The following DNAH11 variants were observed in gnomAD, a reference collection of about 807,000 sequenced individuals.
The protein encoded by DNAH11 is axonemal beta dynein heavy chain 11.
Under a neutral mutation model 526.0 loss-of-function variants are expected in DNAH11, and 442 were observed. The ratio of observed to expected loss-of-function variants is 0.84; its 90% CI spans 0.78 to 0.91. The LOEUF is 0.91. Among genes scored for constraint, DNAH11 ranks in the 40% least tolerant of loss-of-function variants. The probability of loss-of-function intolerance (pLI) is 0.00; values close to 1 mark genes in which losing one functional copy is unlikely to be tolerated. For missense variants in DNAH11, 6,989 were observed against 5,448.7 expected, an observed-to-expected ratio of 1.28 and a Z score of -8.90; for synonymous variants, 2,461 against 1,935.9, an observed-to-expected ratio of 1.27 and a Z score of -7.12.
intron 65 of DNAH11, 127 bp downstream of exon 65, chr7:21,818,466 C>G (rs1455984371): frequency 3.0e-6 from 3 of 1,002,838 alleles, no homozygotes; most frequent in Non-Finnish European, 4.3e-6. Context: ...ATTTCATGCA[C>G]CTACACTCCA....
In DNAH11 at chr7:21,571,925, T is replaced by C. The variant is rs182332147; in HGVS notation, c.1545T>C (p.Cys515=). The change falls in exon 8 of 82, where the codon TGT becomes TGC. Residue 515 remains cysteine, a synonymous_variant. Coordinates refer to ENST00000409508, the MANE Select transcript of DNAH11 (RefSeq NM_001277115.2). ...TGAGTGAAGAACTTATGGAACTCTG[T>C]AAACTTTTTAAACAGAGCACTTATG... The part of the protein sequence containing the change: ...HEMSEELMEL[C]KLFKQSTYDP... The C allele has an allele frequency of 3.1e-5, 50 of 1,609,254 alleles. No individual in the cohort carries two copies. In the East Asian group the frequency reaches 1.1e-3, roughly 35 times the overall value.
chr7:21,610,233 G>T (rs914401607), intron 20 of DNAH11, among the ~76,000 whole-genome samples: 1 of 152,130 alleles, frequency 6.6e-6, no homozygotes, highest in African/African-American at 2.4e-5. Context: ...CAGCCTGGGC[G>T]ACAGTGCGAG....
intron 7 of DNAH11, among the ~76,000 whole-genome samples, 161 bp from the exon 8 acceptor site, chr7:21,571,645 T>C (rs1258982725): frequency 6.6e-6 from 1 of 152,212 alleles, no homozygotes; most frequent in Non-Finnish European, 1.5e-5. Context: ...AATGACTTTG[T>C]TTAATTAAAT....
rs373911826 is a variant in DNAH11, at chr7:21,750,389, A to C, written c.8940+25A>C. On this transcript the variant is annotated intron_variant, in intron 54 of 81. Transcript: ENST00000409508. ...AGTAAGAAATACTTGCTTAATTTGC[A>C]TGTTAGTTAAAACCTGCTATTGCAA... 5.1e-5 allele frequency: 80 copies of C among 1,580,048 alleles called. No homozygotes were observed. In the African/African-American group the frequency reaches 1.1e-3, roughly 21 times the overall value.
intron 48 of DNAH11, among the ~76,000 whole-genome samples, chr7:21,740,492 G>C (rs1320730553): frequency 6.6e-6 from 1 of 152,088 alleles, no homozygotes; most frequent in Non-Finnish European, 1.5e-5. Context: ...TCTTTTTGTG[G>C]CTGGCTTATT....
At chr7:21,701,665 C>G (rs567063595) in intron 36 of DNAH11, among the ~76,000 whole-genome samples, 7 of 152,072 alleles carry the variant, frequency 4.6e-5, no homozygotes, top group Non-Finnish European at 1.0e-4. Flanking sequence ...AAATGATGGT[C>G]GAGACCTACT....
At chr7:21,789,784 TC>T (rs1388678641) in intron 61 of DNAH11, among the ~76,000 whole-genome samples, 1 of 93,384 alleles carries the variant, frequency 1.1e-5, no homozygotes, top group East Asian at 2.8e-4. Flanking sequence ...TTTCTTTCTT[TC>T]TTTCTTTCTT....
At chr7:21,843,768 C>G (rs1285121392) in intron 66 of DNAH11, among the ~76,000 whole-genome samples, 1 of 152,120 alleles carries the variant, frequency 6.6e-6, no homozygotes, top group Non-Finnish European at 1.5e-5. Flanking sequence ...CATGAGCCAC[C>G]ACGCCCGGCC....
chr7:21,863,063 CAA>C (rs373065417), intron 69 of DNAH11, among the ~76,000 whole-genome samples: 4,209 of 42,294 alleles, frequency 0.1, 147 homozygotes, highest in African/African-American at 0.22. Context: ...GACTCCGTCT[CAA>C]AAAAAAAAAA....
At chr7:21,839,389 A>C (rs142363314) in intron 65 of DNAH11, among the ~76,000 whole-genome samples, 1 of 152,090 alleles carries the variant, frequency 6.6e-6, no homozygotes, top group African/African-American at 2.4e-5. Context: ...CCTGGACAAC[A>C]TGGTGAAACC....
intron 69 of DNAH11, among the ~76,000 whole-genome samples, chr7:21,864,063 ATTC>A (rs535463611): frequency 1.8e-4 from 28 of 152,330 alleles, no homozygotes; most frequent in African/African-American, 6.7e-4. Context: ...AGGTTTTCTC[ATTC>A]TTCTCAATAT....
chr7:21,843,770 C>T (rs535927924), intron 66 of DNAH11, among the ~76,000 whole-genome samples: 8 of 152,246 alleles, frequency 5.3e-5, no homozygotes, highest in East Asian at 3.9e-4. Flanking sequence ...TGAGCCACCA[C>T]GCCCGGCCAT....
rs483352711 is a variant in DNAH11 at position 21,616,269 on chromosome 7, G to A, written c.4072G>A (p.Val1358Ile). Residue 1358 changes from valine (V) to isoleucine (I), a missense_variant, in exon 22 of 82, where the codon GTA becomes ATA. Physicochemically the swap from Val to Ile is conservative, Grantham distance 29. Transcript: ENST00000409508. Reference sequence around the variant, plus strand: ...ACAGATTCATGTGGAACAGATGGATGTAGAACTCAGAAGGTTTGCCAAGGC... The same window carrying A: ...ACAGATTCATGTGGAACAGATGGATATAGAACTCAGAAGGTTTGCCAAGGC... ...WRQIHVEQMD[V>I]ELRRFAKEIW... 1 of 1,613,012 alleles carries A rather than the reference G, an allele frequency of 6.2e-7. No individual in the cohort carries two copies. The highest frequency in any genetic ancestry group is 8.5e-7 in the Non-Finnish European group (1 of 1,179,378).
At chr7:21,783,498 C>T (rs1185390134) in intron 57 of DNAH11, among the ~76,000 whole-genome samples, 2 of 152,146 alleles carry the variant, frequency 1.3e-5, no homozygotes, top group East Asian at 1.9e-4. Context: ...ACCATCACCA[C>T]GGGAACCGTC....
In DNAH11 at chr7:21,754,459, C is replaced by G. The variant is rs988535098; in HGVS notation, c.8940+4095C>G. ...AGGCAGACCTTACTGAAACTGAGAT[C>G]AGTTTTATATTCATCTCTATTGTTG... On this transcript the variant is annotated intron_variant, in intron 54 of 81. Transcript: ENST00000409508. 1.3e-4 allele frequency among the ~76,000 whole-genome samples: 20 copies of G among 151,984 alleles called. 1 individual carries two copies. The highest frequency in any genetic ancestry group is 2.9e-5 in the Non-Finnish European group (2 of 68,008).
intron 65 of DNAH11, among the ~76,000 whole-genome samples, chr7:21,820,367 T>C (rs1340934563): frequency 6.6e-6 from 1 of 152,194 alleles, no homozygotes; most frequent in Non-Finnish European, 1.5e-5. Flanking sequence ...GGCAAGGAGT[T>C]GTCAGTTCCA....
intron 14 of DNAH11, among the ~76,000 whole-genome samples, chr7:21,597,075 G>A (rs1217764577): frequency 6.6e-6 from 1 of 152,114 alleles, no homozygotes; most frequent in African/African-American, 2.4e-5. Flanking sequence ...GTCAGCGAGT[G>A]GTCTGGAGTC....
Position 21,726,972 on chromosome 7 carries a change from C to T in DNAH11, c.7440+988C>T, listed in dbSNP as rs1332392307. ...TTTTTGAGATGGAGTCTCGCTCTGT[C>T]GCCCAGGCTGGAGTGCAGTGGCGCG... is the stretch of plus-strand genomic sequence containing the variant. On this transcript the variant is annotated intron_variant, in intron 45 of 81. Transcript: ENST00000409508. Among the ~76,000 whole-genome samples, 107 of 74,070 alleles carry T rather than the reference C, an allele frequency of 1.4e-3. 1 individual carries two copies. The highest frequency in any genetic ancestry group is 5.9e-3 in the African/African-American group (100 of 16,886). 48.6% of individuals were successfully genotyped at this position (74,070 alleles called of 152,430 possible).
rs866144588 is a variant in DNAH11 at position 21,622,884 on chromosome 7, T to A, written c.4500+2806T>A. 2.9e-3 allele frequency among the ~76,000 whole-genome samples: 444 copies of A among 152,136 alleles called. 9 individuals carry two copies. Among genetic ancestry groups the A allele is most frequent in the South Asian group, 0.023 (111 of 4,810 alleles). On this transcript the variant is annotated intron_variant, in intron 25 of 81. Coordinates refer to ENST00000409508, the MANE Select transcript of DNAH11 (RefSeq NM_001277115.2). The stretch of plus-strand genomic sequence containing the variant: ...AAAACCCTAGAAGAAAACCTAGGCA[T>A]TACCATTCAGGACATAGGCATGGGC...
Sources: gnomAD v4.1 joint callset for allele counts (sites outside exome capture counted in the v4.1 genomes callset) on GRCh38, gnomAD v4.1.1 for gene constraint, MANE v1.5 for transcripts, NCBI Gene and HGNC (gene_info 2026-07-23, HGNC 2026-07-21) for gene names.